Variants in SLC24A3 observed in about 807,000 individuals in gnomAD.
The protein encoded by SLC24A3 is solute carrier family 24 member 3.
In SLC24A3, 28 loss-of-function variants were observed where a neutral mutation model predicts 75.8. The observed-to-expected ratio is 0.37, with a 90% CI of 0.27 to 0.51. The LOEUF (loss-of-function observed/expected upper bound fraction) is 0.51. SLC24A3 is among the 20% of genes least tolerant of loss of function. SLC24A3 has a pLI of 0.94. For missense variants in SLC24A3, 663 were observed against 847.8 expected (o/e 0.78, Z 2.71); for synonymous variants, 372 against 334.1 (o/e 1.11, Z -1.24).
chr20:19,438,142 A>G (rs540757906), intron 2 of SLC24A3, among the ~76,000 whole-genome samples: 1 of 152,320 alleles, frequency 6.6e-6, no homozygotes, highest in South Asian at 2.1e-4. Flanking sequence ...GAGAAAATGA[A>G]GTGAATCAAG....
intron 2 of SLC24A3, among the ~76,000 whole-genome samples, chr20:19,357,357 G>A (rs908433836): frequency 4.6e-5 from 7 of 152,194 alleles, no homozygotes; most frequent in African/African-American, 1.7e-4. Context: ...ACAGTTTGGG[G>A]TAATTTGTTC....
intron 2 of SLC24A3, among the ~76,000 whole-genome samples, chr20:19,340,056 T>C (rs1372417419): frequency 2.0e-5 from 3 of 152,122 alleles, no homozygotes; most frequent in Non-Finnish European, 4.4e-5. Flanking sequence ...TTTGGGATGG[T>C]GTTGTGGATT....
intron 13 of SLC24A3, chr20:19,696,369 T>G (rs1445901675): frequency 6.3e-6 from 1 of 158,790 alleles, no homozygotes; most frequent in South Asian, 2.0e-4. Context: ...ATCCAGCCCC[T>G]TTGCAGTTCT....
intron 1 of SLC24A3, among the ~76,000 whole-genome samples, chr20:19,220,850 G>A (rs1981689490): frequency 6.6e-6 from 1 of 152,186 alleles, no homozygotes; most frequent in Non-Finnish European, 1.5e-5. Flanking sequence ...AATACAGTTG[G>A]TGCCAGTGTA....
chr20:19,586,939 C>T (rs1022050609), intron 6 of SLC24A3, among the ~76,000 whole-genome samples: 1 of 152,206 alleles, frequency 6.6e-6, no homozygotes, highest in Non-Finnish European at 1.5e-5. Flanking sequence ...CTTTTTAAAT[C>T]TCCCATAAAT....
At chr20:19,608,212 T>C (rs2092706261) in intron 6 of SLC24A3, among the ~76,000 whole-genome samples, 2 of 152,244 alleles carry the variant, frequency 1.3e-5, no homozygotes, top group Non-Finnish European at 2.9e-5. Context: ...ATGATAGTCT[T>C]TAATAGACTC....
chr20:19,512,706 T>C (rs2029905414), intron 2 of SLC24A3, among the ~76,000 whole-genome samples: 1 of 152,210 alleles, frequency 6.6e-6, no homozygotes, highest in Non-Finnish European at 1.5e-5. Flanking sequence ...AGAATAGAGC[T>C]GGGCTGGGGA....
At chr20:19,301,269 C>T (rs1039261755) in intron 2 of SLC24A3, among the ~76,000 whole-genome samples, 1 of 152,082 alleles carries the variant, frequency 6.6e-6, no homozygotes, top group Non-Finnish European at 1.5e-5. Flanking sequence ...AAAGATGTTG[C>T]AAAAATGGAA....
rs532605964 is a variant in SLC24A3 at position 19,239,811 on chromosome 20, G to A, written c.142+26827G>A. ...GTAGGGGGAGTGGAGGCATGGGTGA[G>A]GAAACTGCCTGGACACAACCCAGGG... On this transcript the variant is annotated intron_variant, in intron 1 of 16. Coordinates refer to ENST00000328041, the MANE Select transcript of SLC24A3 (RefSeq NM_020689.4). Among the ~76,000 whole-genome samples the A allele has an allele frequency of 9.2e-5, 14 of 152,328 alleles. No individual in the cohort carries two copies. In the South Asian group the frequency reaches 2.9e-3, roughly 32 times the overall value.
chr20:19,581,340 C>T (rs902207212), intron 4 of SLC24A3, among the ~76,000 whole-genome samples: 1 of 152,178 alleles, frequency 6.6e-6, no homozygotes, highest in Non-Finnish European at 1.5e-5. Context: ...CAAAACAACT[C>T]TCTCTCTTTC....
At chr20:19,308,453 G>GAA (rs1318691229) in intron 2 of SLC24A3, among the ~76,000 whole-genome samples, 2 of 152,190 alleles carry the variant, frequency 1.3e-5, no homozygotes, top group Admixed American at 1.3e-4. Flanking sequence ...AAACCTGTGA[G>GAA]TCTGCCTCCG....
intron 2 of SLC24A3, among the ~76,000 whole-genome samples, chr20:19,301,712 T>C (rs1054586918): frequency 2.3e-4 from 35 of 152,304 alleles, no homozygotes; most frequent in South Asian, 4.1e-4. Flanking sequence ...TTCAGTTTTT[T>C]AGTCGCCCCC....
intron 2 of SLC24A3, 139 bp from the exon 3 acceptor site, chr20:19,515,349 T>C (rs2029964576): frequency 1.3e-6 from 1 of 788,014 alleles, no homozygotes; most frequent in Non-Finnish European, 2.1e-6. Flanking sequence ...AAATTCTGGT[T>C]AGTTTTGTGA....
chr20:19,416,732 A>G (rs1486537760), intron 2 of SLC24A3, among the ~76,000 whole-genome samples: 1 of 152,246 alleles, frequency 6.6e-6, no homozygotes, highest in Non-Finnish European at 1.5e-5. Context: ...TTTGGAACCA[A>G]GAACCTTCAC....
intron 2 of SLC24A3, among the ~76,000 whole-genome samples, chr20:19,377,818 G>T (rs545581396): frequency 2.6e-5 from 4 of 152,270 alleles, no homozygotes; most frequent in Admixed American, 2.6e-4. Flanking sequence ...TTCAGAAAAG[G>T]CTTTCATTCC....
At chr20:19,510,082 C>T (rs1345977280) in intron 2 of SLC24A3, among the ~76,000 whole-genome samples, 1 of 152,222 alleles carries the variant, frequency 6.6e-6, no homozygotes, top group Non-Finnish European at 1.5e-5. Flanking sequence ...TGACAAAGAT[C>T]AATGACAATC....
chr20:19,720,037 A>G (rs1249993001), intron 16 of SLC24A3, among the ~76,000 whole-genome samples: 1 of 120,192 alleles, frequency 8.3e-6, no homozygotes, highest in East Asian at 3.0e-4. Context: ...TGAGTCAGAA[A>G]GTGGGATGAG....
At chr20:19,595,779 T>C (rs1396000362) in intron 6 of SLC24A3, among the ~76,000 whole-genome samples, 1 of 152,124 alleles carries the variant, frequency 6.6e-6, no homozygotes, top group African/African-American at 2.4e-5. Flanking sequence ...TTGATGGAAA[T>C]GCATTGGGCA....
chr20:19,556,327 G>T (rs990567089), intron 3 of SLC24A3, among the ~76,000 whole-genome samples: 1 of 152,164 alleles, frequency 6.6e-6, no homozygotes, highest in Admixed American at 6.5e-5. Context: ...TTCTTTTCTT[G>T]CTAGCAAAGT....
Sources: gnomAD v4.1 joint callset for allele counts (sites outside exome capture counted in the v4.1 genomes callset) on GRCh38, gnomAD v4.1.1 for gene constraint, MANE v1.5 for transcripts, NCBI Gene and HGNC (gene_info 2026-07-23, HGNC 2026-07-21) for gene names.